SIPA1L1: variants seen among roughly 807,000 people sequenced by gnomAD.
The protein encoded by SIPA1L1 is signal induced proliferation associated 1 like 1, also known as signal-induced proliferation-associated 1-like protein 1.
A neutral mutation model predicts 162.7 loss-of-function variants in SIPA1L1; 26 were observed. That is an observed-to-expected ratio of 0.16 (90% CI 0.12 to 0.22). SIPA1L1 has a LOEUF of 0.22. SIPA1L1 is among the 10% of genes least tolerant of loss of function. The pLI, the probability that SIPA1L1 is intolerant of heterozygous loss-of-function variation, is 1.00. For missense variants in SIPA1L1, 1,874 were observed against 2,241.0 expected, an observed-to-expected ratio of 0.84 and a Z score of 3.31; for synonymous variants, 829 against 837.4, an observed-to-expected ratio of 0.99 and a Z score of 0.17.
chr14:71,487,317 C>T (rs2048851095), intron 2 of SIPA1L1, among the ~76,000 whole-genome samples: 2 of 152,064 alleles, frequency 1.3e-5, no homozygotes, highest in Admixed American at 1.3e-4. Context: ...CTCTGCCTAC[C>T]GCATCATAGA....
chr14:71,422,572 A>G (rs1486990855), intron 2 of SIPA1L1, among the ~76,000 whole-genome samples: 1 of 152,194 alleles, frequency 6.6e-6, no homozygotes, highest in African/African-American at 2.4e-5. Flanking sequence ...TGAAATCATC[A>G]TACATTATTT....
At chr14:71,692,121 A>T (rs79043852) in intron 13 of SIPA1L1, among the ~76,000 whole-genome samples, 9,371 of 152,214 alleles carry the variant, frequency 0.062, 623 homozygotes, top group African/African-American at 0.16. Context: ...CCCTTTAATA[A>T]CAAAAGGGCT....
At chr14:71,714,910 TATA>T (rs1203748237) in intron 17 of SIPA1L1, among the ~76,000 whole-genome samples, 2 of 152,218 alleles carry the variant, frequency 1.3e-5, no homozygotes, top group African/African-American at 4.8e-5. Context: ...AATTTCAGTA[TATA>T]ATAAGTCCTC....
At chr14:71,619,496 G>A (rs556049070) in intron 6 of SIPA1L1, among the ~76,000 whole-genome samples, 49 of 151,090 alleles carry the variant, frequency 3.2e-4, no homozygotes, top group African/African-American at 1.1e-3. Context: ...TTAAAATGAA[G>A]TTTGGGCTAA....
chr14:71,731,352 G>C (rs1389746958), intron 20 of SIPA1L1, among the ~76,000 whole-genome samples: 1 of 151,698 alleles, frequency 6.6e-6, no homozygotes, highest in Non-Finnish European at 1.5e-5. Context: ...AAATAAAGCT[G>C]CTCCATCCAC....
chr14:71,661,363 G>A lies in SIPA1L1; in HGVS notation c.2151G>A (p.Glu717=), dbSNP rs75827077. 7.3e-4 allele frequency: 1,185 copies of A among 1,613,982 alleles called. 14 individuals carry two copies. The East Asian group carries it at 0.024, about 33-fold the overall frequency. The part of the protein sequence containing the change: ...GNDIVTIVFQ[E]PGAQPFSPKN... ...ATATCGTAACAATTGTTTTCCAAGA[G>A]CCTGGAGCACAGCCATTCAGCCCAA... Residue 717 remains glutamate (E), a synonymous_variant, in exon 10 of 24, where the codon GAG becomes GAA. Transcript: ENST00000381232.
At chr14:71,660,071 C>T (rs2043380058) in intron 9 of SIPA1L1, among the ~76,000 whole-genome samples, 1 of 151,884 alleles carries the variant, frequency 6.6e-6, no homozygotes, top group Non-Finnish European at 1.5e-5. Flanking sequence ...TTTATTAAGA[C>T]ATTTATTTTT....
At chr14:71,640,601 G>C (rs1282202277) in intron 7 of SIPA1L1, among the ~76,000 whole-genome samples, 4 of 152,120 alleles carry the variant, frequency 2.6e-5, no homozygotes. Context: ...ACTCAAATCT[G>C]TAAAACAATT....
Position 71,610,940 on chromosome 14 carries a change from A to G in SIPA1L1, c.1499-7817A>G, listed in dbSNP as rs116478561. Reference sequence around the variant, plus strand: ...ACTATGCAGTTTGTAAATGTGAGCAATTACTCTTAGGCAACAGTAATTATA... The same window carrying G: ...ACTATGCAGTTTGTAAATGTGAGCAGTTACTCTTAGGCAACAGTAATTATA... On this transcript the variant is annotated intron_variant, in intron 5 of 23. Coordinates refer to ENST00000381232, the MANE Select transcript of SIPA1L1 (RefSeq NM_001386936.1). Among the ~76,000 whole-genome samples, 585 of 152,342 alleles carry G rather than the reference A, an allele frequency of 3.8e-3. 3 individuals are homozygous for G. The highest frequency in any genetic ancestry group is 0.013 in the African/African-American group (532 of 41,586).
intron 4 of SIPA1L1, among the ~76,000 whole-genome samples, chr14:71,531,055 C>T (rs574632895): frequency 1.1e-4 from 16 of 152,278 alleles, no homozygotes; most frequent in East Asian, 1.9e-4. Context: ...TCTACTAATA[C>T]GAAGCACTTT....
At chr14:71,482,300 G>GT (rs1394830416) in intron 2 of SIPA1L1, among the ~76,000 whole-genome samples, 1 of 152,190 alleles carries the variant, frequency 6.6e-6, no homozygotes, top group East Asian at 1.9e-4. Context: ...GTTAAGTGGG[G>GT]TGAAAGACTG....
intron 12 of SIPA1L1, among the ~76,000 whole-genome samples, chr14:71,684,652 T>C (rs974269173): frequency 3.3e-5 from 5 of 151,482 alleles, no homozygotes; most frequent in Non-Finnish European, 7.4e-5. Flanking sequence ...GGTGGGGGTG[T>C]GAAGCTGCTC....
chr14:71,437,027 G>A (rs1416210661), intron 2 of SIPA1L1, among the ~76,000 whole-genome samples: 1 of 152,010 alleles, frequency 6.6e-6, no homozygotes, highest in African/African-American at 2.4e-5. Flanking sequence ...GCCTCCCAAA[G>A]TGCTGGGATT....
intron 2 of SIPA1L1, among the ~76,000 whole-genome samples, chr14:71,484,953 T>G (rs1472508416): frequency 6.6e-6 from 1 of 152,196 alleles, no homozygotes; most frequent in Non-Finnish European, 1.5e-5. Context: ...CTGCAGTCAG[T>G]AGACTTCTGA....
At chr14:71,738,455 G>A in intron 23 of SIPA1L1, 130 bp downstream of exon 23, 4 of 587,844 alleles carry the variant, frequency 6.8e-6, no homozygotes, top group Non-Finnish European at 1.2e-5. Context: ...GTTTGGGGAT[G>A]CAGGGATTTC....
chr14:71,447,720 C>T (rs1451442241), intron 2 of SIPA1L1, among the ~76,000 whole-genome samples: 2 of 151,856 alleles, frequency 1.3e-5, no homozygotes, highest in African/African-American at 2.4e-5. Flanking sequence ...TGTGCCACCA[C>T]ACCTGGCTAA....
chr14:71,728,857 A>T (rs1469950050), intron 19 of SIPA1L1, among the ~76,000 whole-genome samples: 1 of 152,132 alleles, frequency 6.6e-6, no homozygotes, highest in Non-Finnish European at 1.5e-5. Context: ...TCAGGTTGCT[A>T]TTTTTAAGGT....
intron 4 of SIPA1L1, among the ~76,000 whole-genome samples, chr14:71,560,697 C>T (rs539115019): frequency 6.6e-6 from 1 of 152,298 alleles, no homozygotes; most frequent in South Asian, 2.1e-4. Context: ...ACCTGAACAA[C>T]TTGAGAATCT....
At chr14:71,479,189 T>C (rs1460098247) in intron 2 of SIPA1L1, among the ~76,000 whole-genome samples, 1 of 152,198 alleles carries the variant, frequency 6.6e-6, no homozygotes, top group African/African-American at 2.4e-5. Context: ...ATCAGCCTGC[T>C]ATCGTTTACT....
Sources: gnomAD v4.1 joint callset for allele counts (sites outside exome capture counted in the v4.1 genomes callset) on GRCh38, gnomAD v4.1.1 for gene constraint, MANE v1.5 for transcripts, NCBI Gene and HGNC (gene_info 2026-07-23, HGNC 2026-07-21) for gene names.